Variants in PDE1C observed in about 807,000 individuals in gnomAD.
PDE1C encodes the protein phosphodiesterase 1C, also known as dual specificity calcium/calmodulin-dependent 3',5'-cyclic nucleotide phosphodiesterase 1C.
In PDE1C, 62 loss-of-function variants were observed where a neutral mutation model predicts 93.1. The observed-to-expected ratio is 0.67, with a 90% CI of 0.54 to 0.82. The LOEUF (loss-of-function observed/expected upper bound fraction) is 0.82. Ranked by LOEUF, PDE1C falls within the 40% of genes least tolerant of loss-of-function variation. The pLI is 0.00. For missense variants in PDE1C, 742 were observed against 884.6 expected, an observed-to-expected ratio of 0.84 and a Z score of 2.04; for synonymous variants, 325 against 310.1, an observed-to-expected ratio of 1.05 and a Z score of -0.50.
At chr7:31,984,185 G>A (rs1783070975) in intron 2 of PDE1C, among the ~76,000 whole-genome samples, 1 of 152,156 alleles carries the variant, frequency 6.6e-6, no homozygotes, top group African/African-American at 2.4e-5. Context: ...GAGGTGAGCA[G>A]CTGGCAAGCG....
At chr7:32,126,823 A>T (rs1350602301) in intron 3 of PDE1C, among the ~76,000 whole-genome samples, 1 of 152,230 alleles carries the variant, frequency 6.6e-6, no homozygotes, top group Non-Finnish European at 1.5e-5. Context: ...CTGAATTAAA[A>T]TCAAATTAGA....
intron 2 of PDE1C, among the ~76,000 whole-genome samples, chr7:32,009,012 T>C (rs1786685492): frequency 6.6e-6 from 1 of 152,122 alleles, no homozygotes; most frequent in Admixed American, 6.6e-5. Flanking sequence ...TAATGCAAGA[T>C]TATGGGGGAA....
chr7:31,982,463 G>C (rs1450267215), intron 2 of PDE1C, among the ~76,000 whole-genome samples: 1 of 152,142 alleles, frequency 6.6e-6, no homozygotes, highest in African/African-American at 2.4e-5. Context: ...AAGATGAAAG[G>C]ATAAAGGTAA....
chr7:31,861,329 C>A (rs1398985110), intron 7 of PDE1C, among the ~76,000 whole-genome samples: 2 of 152,058 alleles, frequency 1.3e-5, no homozygotes, highest in East Asian at 1.9e-4. Flanking sequence ...ACTTCAGAGC[C>A]CCTTCTAACT....
At chr7:32,172,483 C>A (rs1304609152) in intron 2 of PDE1C, among the ~76,000 whole-genome samples, 1 of 152,022 alleles carries the variant, frequency 6.6e-6, no homozygotes, top group Non-Finnish European at 1.5e-5. Flanking sequence ...AAATCAAAAC[C>A]ACAATGAGAT....
At chr7:31,705,986 A>ATTTTTTTTTTTTTTTTTTTTTTTTTT in the PDE1C span, among the ~76,000 whole-genome samples, 2 of 52,486 alleles carry the variant, frequency 3.8e-5, 1 homozygote, top group African/African-American at 1.5e-4. Flanking sequence ...CAGACCAGTA[A>ATTTTTTTTTTTTTTTTTTTTTTTTTT]TTTTTTTTTT....
intron 2 of PDE1C, among the ~76,000 whole-genome samples, chr7:32,030,364 T>G (rs1245966517): frequency 1.3e-5 from 2 of 152,154 alleles, no homozygotes; most frequent in African/African-American, 4.8e-5. Context: ...CTCATGCTTA[T>G]GCTTACCTAA....
chr7:32,049,493 A>G (rs1793049257), intron 2 of PDE1C, among the ~76,000 whole-genome samples: 1 of 152,106 alleles, frequency 6.6e-6, no homozygotes, highest in South Asian at 2.1e-4. Flanking sequence ...AGGGATGAGG[A>G]AGGGGCTTTA....
At chr7:32,343,273 G>A (rs952956088) in intron 1 of PDE1C, among the ~76,000 whole-genome samples, 6 of 152,194 alleles carry the variant, frequency 3.9e-5, no homozygotes, top group African/African-American at 1.4e-4. Context: ...TTTTGACAAA[G>A]TAGGACACCA....
At chr7:32,196,858 A>G (rs1204816579) in intron 2 of PDE1C, among the ~76,000 whole-genome samples, 1 of 152,202 alleles carries the variant, frequency 6.6e-6, no homozygotes, top group Non-Finnish European at 1.5e-5. Flanking sequence ...GAATTTGGTG[A>G]CTGATGAGGG....
intron 3 of PDE1C, among the ~76,000 whole-genome samples, chr7:32,165,147 T>C (rs1802152815): frequency 6.6e-6 from 1 of 152,228 alleles, no homozygotes; most frequent in Non-Finnish European, 1.5e-5. Flanking sequence ...TGTCTGCACG[T>C]GGAGCCACAA....
chr7:31,716,401 T>C, the PDE1C span, among the ~76,000 whole-genome samples: 4 of 152,208 alleles, frequency 2.6e-5, no homozygotes, highest in South Asian at 4.1e-4. Context: ...GAGGGTCAGC[T>C]ATTACCATGA....
At chr7:32,278,032 C>A (rs1811393387) in intron 1 of PDE1C, among the ~76,000 whole-genome samples, 1 of 143,740 alleles carries the variant, frequency 7.0e-6, no homozygotes, top group South Asian at 2.2e-4. Context: ...CAGTGCATAC[C>A]AATATGCCAC....
chr7:32,163,812 G>C (rs1413617125), intron 3 of PDE1C, among the ~76,000 whole-genome samples: 1 of 152,140 alleles, frequency 6.6e-6, no homozygotes, highest in Non-Finnish European at 1.5e-5. Flanking sequence ...ATATTCCCTG[G>C]CTGGGGCCCA....
chr7:32,078,528 G>A (rs1366157776), intron 3 of PDE1C, among the ~76,000 whole-genome samples: 1 of 152,208 alleles, frequency 6.6e-6, no homozygotes, highest in African/African-American at 2.4e-5. Flanking sequence ...CAGCAGCCTA[G>A]ATAATAACAG....
chr7:31,781,323 G>A (rs1783395311), intron 16 of PDE1C, among the ~76,000 whole-genome samples: 2 of 152,312 alleles, frequency 1.3e-5, no homozygotes, highest in South Asian at 4.1e-4. Context: ...ATTATTAATG[G>A]TCTGGCAATA....
At chr7:31,623,240 CCTAACTCATTTT>C in the PDE1C span, among the ~76,000 whole-genome samples, 1 of 152,058 alleles carries the variant, frequency 6.6e-6, no homozygotes, top group Non-Finnish European at 1.5e-5. Flanking sequence ...GGGAATCCTC[CCTAACTCATTTT>C]CTGAGGCCAG....
intron 3 of PDE1C, among the ~76,000 whole-genome samples, chr7:32,107,252 C>T (rs528271850): frequency 5.9e-5 from 7 of 117,756 alleles, no homozygotes; most frequent in African/African-American, 2.1e-4. Context: ...GAGAAAGAGA[C>T]AAAGAGAGAC....
chr7:32,246,368 G>T (rs1486313096), intron 1 of PDE1C, among the ~76,000 whole-genome samples: 2 of 152,144 alleles, frequency 1.3e-5, no homozygotes, highest in African/African-American at 2.4e-5. Context: ...CCCCATTGGA[G>T]GCAGGTAGGA....
Sources: allele counts gnomAD v4.1 joint callset (sites outside exome capture counted in the v4.1 genomes callset), GRCh38; gene constraint gnomAD v4.1.1; transcripts MANE v1.5; gene names NCBI Gene and HGNC (gene_info 2026-07-23, HGNC 2026-07-21).